Variants in APBB1 observed in about 807,000 individuals in gnomAD.
APBB1 encodes adaptor protein FE65a2.
A neutral mutation model predicts 78.4 loss-of-function variants in APBB1; 22 were observed. The observed-to-expected ratio is 0.28, with a 90% confidence interval of 0.20 to 0.40. The LOEUF (loss-of-function observed/expected upper bound fraction) is 0.40. APBB1 is among the 10% of genes least tolerant of loss of function. The pLI is 1.00. For synonymous variants in APBB1, 369 were observed against 372.7 expected (o/e 0.99, Z 0.12); for missense variants, 749 against 932.4 (o/e 0.80, Z 2.56).
intron 6 of APBB1, 122 bp from the exon 7 acceptor site, chr11:6,402,847 G>A: frequency 7.8e-7 from 1 of 1,277,068 alleles, no homozygotes; most frequent in East Asian, 2.4e-5. Flanking sequence ...TCCCCAAACA[G>A]GATGTGGTTA....
At chr11:6,405,420 C>T (rs963326150) in intron 2 of APBB1, 12 of 987,144 alleles carry the variant, frequency 1.2e-5, no homozygotes, top group African/African-American at 5.2e-5. Flanking sequence ...AGCGTCTCCT[C>T]GGCAACCGCA....
In APBB1 at chr11:6,403,922, G is replaced by A; in HGVS notation, c.722-100C>T. On this transcript the variant is annotated intron_variant, in intron 2 of 14. Coordinates refer to ENST00000609360, the MANE Select transcript of APBB1 (RefSeq NM_001164.5). The surrounding 1 kb of genome is among the most constrained non-coding windows in gnomAD (Gnocchi z 5.3). ...TGAGACCCCATGGTTGAGAAGGGGT[G>A]GTGGAAGAGCTATACCACAACACAG... 1.5e-6 allele frequency: 2 copies of A among 1,300,276 alleles called. No homozygotes were observed. The highest frequency in any genetic ancestry group is 2.1e-6 in the Non-Finnish European group (2 of 952,834). The allele number at this position is 1,300,276 out of a possible 1,614,324, so 80.5% of individuals were successfully genotyped here.
In APBB1 at chr11:6,410,449, T is replaced by C. The variant is rs1307883471; in HGVS notation, c.721+178A>G. On this transcript the variant is annotated intron_variant, in intron 2 of 14. Coordinates refer to ENST00000609360, the MANE Select transcript of APBB1 (RefSeq NM_001164.5). ...GATCCATCCATCCGGGCATGCATGA[T>C]GGTCAGATCTACCAGAATGTCCAAG... 3.3e-5 allele frequency among the ~76,000 whole-genome samples: 5 copies of C among 152,176 alleles called. No individual in the cohort carries two copies. In the South Asian group the frequency reaches 1.0e-3, roughly 32 times the overall value.
rs1204248324 is a variant in APBB1, at chr11:6,402,609, G to A, written c.1221C>T (p.Asn407=). ...CIRQLSYHKN[N]LHDPMSGGWG... ...AGCCCCCAGACATGGGGTCATGCAG[G>A]TTGTTTTTGTGGTAAGAGAGCTGAC... The change falls in exon 7 of 15, where the codon AAC becomes AAT. Residue 407 remains asparagine (N), a synonymous_variant. Transcript: ENST00000609360. The A allele has an allele frequency of 3.7e-6, 6 of 1,613,994 alleles. No homozygotes were observed. Among genetic ancestry groups the A allele is most frequent in the Non-Finnish European group, 5.1e-6 (6 of 1,180,028 alleles).
chr11:6,419,155 G>GGGGCGGGCGCGGGAGCGAGCT (rs1849197167), upstream of APBB1: 2 of 346,556 alleles, frequency 5.8e-6, no homozygotes, highest in Non-Finnish European at 1.0e-5. Context: ...GCGCCATCTT[G>GGGGCGGGCGCGGGAGCGAGCT]GGGCGGGCGC....
At chr11:6,400,120 A>G (rs1254871307) in intron 12 of APBB1, among the ~76,000 whole-genome samples, 2 of 152,150 alleles carry the variant, frequency 1.3e-5, no homozygotes, top group Non-Finnish European at 2.9e-5. Context: ...CTCTAGGAAA[A>G]TGGGACTGTG....
rs1848641058 is a variant in APBB1, at chr11:6,403,499, C to T, written c.943G>A (p.Glu315Lys). 2.5e-6 allele frequency: 4 copies of T among 1,614,212 alleles called. No homozygotes were observed. The highest frequency in any genetic ancestry group is 2.2e-5 in the South Asian group (2 of 91,084). Residue 315 changes from glutamate (E) to lysine (K), a missense_variant, in exon 4 of 15, where the codon GAA becomes AAA. Transcript: ENST00000609360. This position sits in a 1 kb window ranked among gnomAD's most constrained non-coding sequence, Gnocchi z 5.3. ...FAHGEGFEDG[E>K]FWKDEPSDEA... Reference sequence around the variant, plus strand: ...GTCCCCTTACCCACCTTCCAAAATTCTCCATCCTCAAAGCCTTCTCCATGA... The same window carrying T: ...GTCCCCTTACCCACCTTCCAAAATTTTCCATCCTCAAAGCCTTCTCCATGA...
At chr11:6,417,108 C>T (rs1371196074) in intron 1 of APBB1, among the ~76,000 whole-genome samples, 1 of 152,228 alleles carries the variant, frequency 6.6e-6, no homozygotes, top group African/African-American at 2.4e-5. Flanking sequence ...CTTCCTCCTC[C>T]CTGCCCCTGG....
At chr11:6,404,845 C>G in intron 2 of APBB1, 1 of 1,532,884 alleles carries the variant, frequency 6.5e-7, no homozygotes, top group Non-Finnish European at 8.7e-7. Flanking sequence ...CCTCACAGCC[C>G]CTCCAGCCCA....
intron 1 of APBB1, among the ~76,000 whole-genome samples, chr11:6,412,935 C>T (rs1175519823): frequency 6.6e-6 from 1 of 152,104 alleles, no homozygotes. Flanking sequence ...TCTGCCTCCT[C>T]ACAGCCCTTC....
Position 6,395,899 on chromosome 11 carries a change from C to T in APBB1, c.1852G>A (p.Val618Ile). 1 of 1,614,054 alleles carries T rather than the reference C, an allele frequency of 6.2e-7. No individual in the cohort carries two copies. Among genetic ancestry groups the T allele is most frequent in the Non-Finnish European group, 8.5e-7 (1 of 1,180,020 alleles). Residue 618 changes from valine (V) to isoleucine (I), a missense_variant, in exon 14 of 15, where the codon GTC becomes ATC. Physicochemically the swap from Val to Ile is conservative, Grantham distance 29. This residue lies in a region of APBB1 where 18 missense variants were observed against 51.4 expected (regional missense o/e 0.35). Coordinates refer to ENST00000609360, the MANE Select transcript of APBB1 (RefSeq NM_001164.5). The surrounding 1 kb of genome is among the most constrained non-coding windows in gnomAD (Gnocchi z 5.2). ...GCCATGATGAATGCAAACGTGTGGACATCTCTGCCCACGGCCAGGAAGGAG... is the reference window on the plus strand; with the variant it reads ...GCCATGATGAATGCAAACGTGTGGATATCTCTGCCCACGGCCAGGAAGGAG... Reference protein sequence around the residue: ...FLSFLAVGRDVHTFAFIMAAG... With the variant: ...FLSFLAVGRDIHTFAFIMAAG...
At chr11:6,402,914 C>T in intron 6 of APBB1, 189 bp from the exon 7 acceptor site, 2 of 813,968 alleles carry the variant, frequency 2.5e-6, no homozygotes, top group Non-Finnish European at 3.8e-6. Context: ...CCAGCTAGTA[C>T]AAAAAAGCAC....
At chr11:6,400,905 TAGA>T (rs1232804623) in intron 12 of APBB1, 81 bp downstream of exon 12, 5 of 1,263,084 alleles carry the variant, frequency 4.0e-6, no homozygotes, top group Admixed American at 1.7e-5. Flanking sequence ...GAAGGTCTGG[TAGA>T]AGAAGTATTG....
intron 2 of APBB1, chr11:6,404,563 T>G (rs1283318746): frequency 1.3e-6 from 2 of 1,533,902 alleles, no homozygotes; most frequent in South Asian, 1.2e-5. Flanking sequence ...TGACCCTTGC[T>G]GCACACAGAT....
rs1220056776 is a variant in APBB1, at chr11:6,395,340, C to T, written c.*194G>A. 1.9e-6 allele frequency: 1 copy of T among 537,922 alleles called. No homozygotes were observed. Among genetic ancestry groups the T allele is most frequent in the East Asian group, 3.2e-5 (1 of 30,842 alleles). The allele number at this position is 537,922 out of a possible 1,614,324, so 33.3% of individuals were successfully genotyped here. On this transcript the variant is annotated 3_prime_UTR_variant, in exon 15 of 15. Transcript: ENST00000609360. The surrounding 1 kb of genome is among the most constrained non-coding windows in gnomAD (Gnocchi z 5.2). ...TTGCTTCCTGCTCCTCTTGTTACCA[C>T]TCCAGTGTTATCACTTCCTTGAAGG...
rs1234950035 is a variant in APBB1 at position 6,411,005 on chromosome 11, G to A, written c.343C>T (p.His115Tyr). Reference protein sequence around the residue: ...MAPLGPKGLIHLYSELELSAH... With the variant: ...MAPLGPKGLIYLYSELELSAH... Reference sequence around the variant, plus strand: ...GAGAGCTCCAGCTCAGAGTACAGGTGTATCAGGCCTTTGGGGCCCAAGGGT... The same window carrying A: ...GAGAGCTCCAGCTCAGAGTACAGGTATATCAGGCCTTTGGGGCCCAAGGGT... The change falls in exon 2 of 15, where the codon CAC becomes TAC. Residue 115 changes from histidine (H) to tyrosine (Y), a missense_variant. Physicochemically the swap from His to Tyr is moderately conservative, Grantham distance 83. Coordinates refer to ENST00000609360, the MANE Select transcript of APBB1 (RefSeq NM_001164.5). This position sits in a 1 kb window ranked among gnomAD's most constrained non-coding sequence, Gnocchi z 5.2. The A allele has an allele frequency of 1.2e-6, 2 of 1,614,174 alleles. No homozygotes were observed. The highest frequency in any genetic ancestry group is 2.2e-5 in the East Asian group (1 of 44,878).
Position 6,402,104 on chromosome 11 carries a change from C to T in APBB1, c.1360G>A (p.Gly454Ser). The change falls in exon 8 of 15, where the codon GGC becomes AGC. Residue 454 changes from glycine (G) to serine (S), a missense_variant. Around this residue, in one of 3 missense-constraint regions of APBB1, gnomAD observed 635 missense variants for 765.0 expected, o/e 0.83. Coordinates refer to ENST00000609360, the MANE Select transcript of APBB1 (RefSeq NM_001164.5). ...CACCTTCCACTGTCCCGCCCGACGCCCCACACGCGGATGCTGATGATGGGT... is the reference window on the plus strand; with the variant it reads ...CACCTTCCACTGTCCCGCCCGACGCTCCACACGCGGATGCTGATGATGGGT... ...AQPIISIRVW[G>S]VGRDSGRERD... 1 of 1,614,022 alleles carries T rather than the reference C, an allele frequency of 6.2e-7. No individual in the cohort carries two copies.
intron 1 of APBB1, among the ~76,000 whole-genome samples, chr11:6,412,723 G>A (rs1009046178): frequency 2.0e-5 from 3 of 152,166 alleles, no homozygotes; most frequent in African/African-American, 7.2e-5. Flanking sequence ...CACAGAGCAG[G>A]AACTCCATTA....
Position 6,403,016 on chromosome 11 carries a change from C to T in APBB1, c.1104+129G>A. 1 of 955,582 alleles carries T rather than the reference C, an allele frequency of 1.0e-6. No homozygotes were observed. The highest frequency in any genetic ancestry group is 1.6e-6 in the Non-Finnish European group (1 of 633,390). 59.2% of individuals were successfully genotyped at this position (955,582 alleles called of 1,614,324 possible). On this transcript the variant is annotated intron_variant, in intron 6 of 14. Coordinates refer to ENST00000609360, the MANE Select transcript of APBB1 (RefSeq NM_001164.5). The surrounding 1 kb of genome is among the most constrained non-coding windows in gnomAD (Gnocchi z 5.3). ...TCCAGCTCAGACACAGGGCTCTGTG[C>T]TGAGACTGGAAGAACTCCTAACTCA...
Sources: gnomAD v4.1 joint callset for allele counts (sites outside exome capture counted in the v4.1 genomes callset) on GRCh38, gnomAD v4.1.1 for gene constraint, gnomAD v4.1.1 regional missense constraint, Gnocchi (gnomAD v3.1) non-coding constraint, MANE v1.5 for transcripts, NCBI Gene and HGNC (gene_info 2026-07-23, HGNC 2026-07-21) for gene names.